Variants in PTPN21 observed in about 807,000 individuals in gnomAD.
PTPN21 encodes the protein protein tyrosine phosphatase non-receptor type 21, also known as tyrosine-protein phosphatase non-receptor type 21.
A neutral mutation model predicts 131.8 loss-of-function variants in PTPN21; 77 were observed. The observed-to-expected ratio is 0.58, with a 90% CI of 0.49 to 0.71. The LOEUF is 0.71. Ranked by LOEUF, PTPN21 falls within the 30% of genes least tolerant of loss-of-function variation. PTPN21 has a pLI of 0.00. For missense variants in PTPN21, 1,552 were observed against 1,527.1 expected (o/e 1.02, Z -0.27); for synonymous variants, 715 against 621.3 (o/e 1.15, Z -2.24).
chr14:88,549,011 T>A (rs1216250729), intron 2 of PTPN21, among the ~76,000 whole-genome samples: 1 of 152,208 alleles, frequency 6.6e-6, no homozygotes, highest in African/African-American at 2.4e-5. Flanking sequence ...AGATATCACA[T>A]AACTTGCCCA....
chr14:88,511,959 C>A (rs766398499), intron 3 of PTPN21, among the ~76,000 whole-genome samples: 1 of 152,136 alleles, frequency 6.6e-6, no homozygotes, highest in Non-Finnish European at 1.5e-5. Flanking sequence ...GAAGAGGCAG[C>A]CTTTTTTCTT....
chr14:88,479,121 C>T lies in PTPN21; in HGVS notation c.2310G>A (p.Arg770=), dbSNP rs753250808. The change falls in exon 13 of 19, where the codon AGG becomes AGA. Residue 770 remains arginine, a synonymous_variant. Coordinates refer to ENST00000556564, the MANE Select transcript of PTPN21 (RefSeq NM_007039.4). ...TGCGGACGGGGCTGCTGTCCATCAT[C>T]CTCTTCTCCGCGTCTGGGACGTGGG... is the stretch of plus-strand genomic sequence containing the variant. ...PKAHVPDAEK[R]MMDSSPVRTT... The T allele has an allele frequency of 1.3e-6, 2 of 1,561,546 alleles. No homozygotes were observed. The highest frequency in any genetic ancestry group is 4.5e-5 in the East Asian group (2 of 43,984).
At position 88,470,044 on chromosome 14, in the gene PTPN21, C is replaced by CA; in HGVS notation, c.2877dup (p.Val960CysfsTer50). On this transcript the variant is annotated frameshift_variant, in exon 16 of 19. Transcript: ENST00000556564. LOFTEE classifies it high-confidence loss of function. ...ATATAATCCCATTCGATTCCACTGA[C>CA]AGAGACCTGGGATTAGAAAAGGTTA... 6.2e-7 allele frequency: 1 copy of CA among 1,612,670 alleles called. No homozygotes were observed. The highest frequency in any genetic ancestry group is 8.5e-7 in the Non-Finnish European group (1 of 1,178,794).
chr14:88,521,041 C>T (rs937988206), intron 2 of PTPN21, among the ~76,000 whole-genome samples: 1 of 151,926 alleles, frequency 6.6e-6, no homozygotes, highest in African/African-American at 2.4e-5. Flanking sequence ...AAGAGAGGGT[C>T]TCACTATGTT....
chr14:88,508,060 T>C, intron 3 of PTPN21, 40 bp from the exon 4 acceptor site: 1 of 1,139,010 alleles, frequency 8.8e-7, no homozygotes, highest in Non-Finnish European at 1.3e-6. Flanking sequence ...ATGTCAATAT[T>C]ATCTCATTGA....
At chr14:88,524,302 T>C (rs1196332575) in intron 2 of PTPN21, among the ~76,000 whole-genome samples, 2 of 151,870 alleles carry the variant, frequency 1.3e-5, no homozygotes, top group East Asian at 3.9e-4. Context: ...GAATAGAGAG[T>C]CTAGAAATGA....
chr14:88,516,988 C>T (rs576849850), intron 3 of PTPN21, 104 bp downstream of exon 3: 21 of 1,317,694 alleles, frequency 1.6e-5, no homozygotes, highest in African/African-American at 8.9e-5. Flanking sequence ...AAATGTGGGG[C>T]GAGAGGGCAA....
rs758769147 is a variant in PTPN21, at chr14:88,470,099, T to G, written c.2872-49A>C. On this transcript the variant is annotated intron_variant, in intron 15 of 18. Coordinates refer to ENST00000556564, the MANE Select transcript of PTPN21 (RefSeq NM_007039.4). Reference sequence around the variant, plus strand: ...AATTGATGTGTGGGTATAATATACATAGGTATGTATGCATGCATTCATGGT... The same window carrying G: ...AATTGATGTGTGGGTATAATATACAGAGGTATGTATGCATGCATTCATGGT... The G allele has an allele frequency of 3.2e-5, 51 of 1,574,554 alleles. 1 individual carries two copies. In the Middle Eastern group the frequency reaches 6.4e-3, roughly 197 times the overall value.
Position 88,479,217 on chromosome 14 carries a change from G to T in PTPN21, c.2214C>A (p.Gly738=), listed in dbSNP as rs1310820564. The part of the protein sequence containing the change: ...PPARAREPRP[G]LAQDPPGCPR... ...GGCAGCCAGGTGGGTCCTGGGCCAG[G>T]CCGGGCCGAGGCTCGCGCGCACGTG... is the stretch of plus-strand genomic sequence containing the variant. The change falls in exon 13 of 19, where the codon GGC becomes GGA. Residue 738 remains glycine, a synonymous_variant. Coordinates refer to ENST00000556564, the MANE Select transcript of PTPN21 (RefSeq NM_007039.4). 6.3e-7 allele frequency: 1 copy of T among 1,598,360 alleles called. No homozygotes were observed. Among genetic ancestry groups the T allele is most frequent in the South Asian group, 1.1e-5 (1 of 88,800 alleles).
intron 2 of PTPN21, among the ~76,000 whole-genome samples, chr14:88,543,679 T>C (rs1163245789): frequency 1.3e-5 from 2 of 152,210 alleles, no homozygotes; most frequent in Non-Finnish European, 2.9e-5. Context: ...CTTGACATTG[T>C]GTGTAACGCA....
At chr14:88,499,792 T>C (rs539655825) in intron 8 of PTPN21, among the ~76,000 whole-genome samples, 2 of 152,336 alleles carry the variant, frequency 1.3e-5, no homozygotes, top group East Asian at 1.9e-4. Context: ...TGGTTGGACA[T>C]GAACTTTGGG....
intron 2 of PTPN21, among the ~76,000 whole-genome samples, chr14:88,540,413 A>T (rs1183994553): frequency 2.0e-5 from 3 of 152,224 alleles, no homozygotes; most frequent in Non-Finnish European, 2.9e-5. Flanking sequence ...CAGCCATATC[A>T]CATACAAAAG....
rs537421511 is a variant in PTPN21 at position 88,504,171 on chromosome 14, A to C, written c.587+254T>G. Among the ~76,000 whole-genome samples, 5 of 152,288 alleles carry C rather than the reference A, an allele frequency of 3.3e-5. No homozygotes were observed. The East Asian group carries it at 9.7e-4, about 30-fold the overall frequency. On this transcript the variant is annotated intron_variant, in intron 6 of 18. Transcript: ENST00000556564. The stretch of plus-strand genomic sequence containing the variant: ...ACCCTTCAATGACTGGCTGCTTTCA[A>C]CTTCCTCAGTGTCCTCACTGGTAAA...
intron 2 of PTPN21, among the ~76,000 whole-genome samples, chr14:88,540,571 C>A (rs2078691880): frequency 6.6e-6 from 1 of 152,230 alleles, no homozygotes; most frequent in South Asian, 2.1e-4. Flanking sequence ...GTATAAAGTT[C>A]AATGTGCTGA....
At chr14:88,512,579 T>C (rs566667088) in intron 3 of PTPN21, 1 of 152,336 alleles carries the variant, frequency 6.6e-6, no homozygotes, top group South Asian at 2.1e-4. Flanking sequence ...CTCACATCTT[T>C]CCTGAAAACT....
chr14:88,468,055 G>A lies in PTPN21; in HGVS notation c.*82C>T, dbSNP rs10139491. 2,169 of 1,516,502 alleles carry A rather than the reference G, an allele frequency of 1.4e-3. 21 individuals are homozygous for A. In the African/African-American group the frequency reaches 0.026, roughly 18 times the overall value. 93.9% of individuals were successfully genotyped at this position (1,516,502 alleles called of 1,614,324 possible). A position where few individuals can be genotyped will look rare whatever the true frequency, so the allele number is the denominator to read the frequency against. On this transcript the variant is annotated 3_prime_UTR_variant, in exon 19 of 19. Coordinates refer to ENST00000556564, the MANE Select transcript of PTPN21 (RefSeq NM_007039.4). ...CACGCTGCGTGGATCAAGTGTCAAC[G>A]GGAAAGTATGAGTTAGGCAAGCGCT...
At chr14:88,512,886 G>A (rs996556247) in intron 3 of PTPN21, among the ~76,000 whole-genome samples, 7 of 152,136 alleles carry the variant, frequency 4.6e-5, no homozygotes, top group Non-Finnish European at 1.0e-4. Flanking sequence ...AGAAGAAATG[G>A]TATTTGGTTG....
chr14:88,468,996 C>T lies in PTPN21; in HGVS notation c.3316G>A (p.Val1106Ile). 6.2e-7 allele frequency: 1 copy of T among 1,614,166 alleles called. No homozygotes were observed. The highest frequency in any genetic ancestry group is 2.2e-5 in the East Asian group (1 of 44,890). ...DPQSPNPPLL[V>I]HCSAGVGRTG... ...CTTCCTACCCCAGCACTGCAGTGGACCAACAACGGAGGGTTGGGGCTTTGG... is the reference window on the plus strand; with the variant it reads ...CTTCCTACCCCAGCACTGCAGTGGATCAACAACGGAGGGTTGGGGCTTTGG... Residue 1106 changes from valine (V) to isoleucine (I), a missense_variant, in exon 18 of 19, where the codon GTC becomes ATC. Physicochemically the swap from Val to Ile is conservative, Grantham distance 29 (BLOSUM62 3). This residue lies in a region of PTPN21 where 316 missense variants were observed against 378.5 expected (regional missense o/e 0.83). Coordinates refer to ENST00000556564, the MANE Select transcript of PTPN21 (RefSeq NM_007039.4).
rs150732797 is a variant in PTPN21 at position 88,470,490 on chromosome 14, C to G, written c.2872-440G>C. 1.6e-3 allele frequency: 265 copies of G among 166,042 alleles called. 1 individual carries two copies. The highest frequency in any genetic ancestry group is 5.8e-3 in the African/African-American group (243 of 41,676). 10.3% of individuals were successfully genotyped at this position (166,042 alleles called of 1,614,324 possible). A position where few individuals can be genotyped will look rare whatever the true frequency, so the allele number is the denominator to read the frequency against. ...TAGTCTCACCTCTGAACTTCTGAGT[C>G]AAGGTCACTCTCCACAATAATATTA... On this transcript the variant is annotated intron_variant, in intron 15 of 18. Coordinates refer to ENST00000556564, the MANE Select transcript of PTPN21 (RefSeq NM_007039.4).
Sources: gnomAD v4.1 joint callset for allele counts (sites outside exome capture counted in the v4.1 genomes callset) on GRCh38, gnomAD v4.1.1 for gene constraint, gnomAD v4.1.1 regional missense constraint, MANE v1.5 for transcripts, NCBI Gene and HGNC (gene_info 2026-07-23, HGNC 2026-07-21) for gene names.